Variants in AVEN observed in about 807,000 individuals in gnomAD.
The protein encoded by AVEN is apoptosis and caspase activation inhibitor, also known as cell death regulator Aven.
A neutral mutation model predicts 38.1 loss-of-function variants in AVEN; 41 were observed. The ratio of observed to expected loss-of-function variants is 1.08; its 90% CI spans 0.84 to 1.40. AVEN has a LOEUF of 1.40. Among genes scored for constraint, AVEN ranks in the 40% most tolerant of loss-of-function variants. The pLI is 0.00. For synonymous variants in AVEN, 206 were observed against 171.8 expected, an observed-to-expected ratio of 1.20 and a Z score of -1.56; for missense variants, 605 against 438.8, an observed-to-expected ratio of 1.38 and a Z score of -3.38.
At chr15:33,970,979 C>G (rs1035046892) in intron 2 of AVEN, among the ~76,000 whole-genome samples, 2 of 151,806 alleles carry the variant, frequency 1.3e-5, no homozygotes, top group Non-Finnish European at 2.9e-5. Context: ...CTATAATAAC[C>G]CATTCAGAAA....
chr15:33,859,127 C>A (rs1246539899), intron 11 of AVEN: 1 of 159,218 alleles, frequency 6.3e-6, no homozygotes, highest in African/African-American at 2.4e-5. Flanking sequence ...AAGTCCATTA[C>A]CTTTGACCTT....
chr15:33,915,019 G>C (rs956074868), intron 2 of AVEN, among the ~76,000 whole-genome samples: 2 of 152,064 alleles, frequency 1.3e-5, no homozygotes, highest in African/African-American at 2.4e-5. Context: ...CAGAAAGAAA[G>C]TACCCTCAAA....
intron 1 of AVEN, among the ~76,000 whole-genome samples, chr15:34,014,042 G>A (rs1897756401): frequency 6.6e-6 from 1 of 151,958 alleles, no homozygotes; most frequent in Non-Finnish European, 1.5e-5. Context: ...AACCCGGGGA[G>A]ATCAACAATG....
downstream of AVEN, chr15:33,864,215 G>A (rs760151595): frequency 1.7e-5 from 27 of 1,571,410 alleles, no homozygotes; most frequent in African/African-American, 1.7e-4. Flanking sequence ...TCATATACCC[G>A]TGTTAGATCT....
intron 1 of AVEN, among the ~76,000 whole-genome samples, chr15:34,031,305 G>A (rs543236827): frequency 1.1e-4 from 17 of 151,144 alleles, no homozygotes; most frequent in African/African-American, 4.1e-4. Flanking sequence ...CTCCCGAGTA[G>A]CTGGGATTAC....
intron 2 of AVEN, among the ~76,000 whole-genome samples, chr15:33,903,800 C>G (rs1207812060): frequency 7.1e-6 from 1 of 140,144 alleles, no homozygotes; most frequent in Non-Finnish European, 1.6e-5. Context: ...AATAGGGATA[C>G]ATTTTGAGAA....
intron 2 of AVEN, among the ~76,000 whole-genome samples, chr15:33,934,537 G>C (rs1178606210): frequency 6.6e-6 from 1 of 152,146 alleles, no homozygotes; most frequent in African/African-American, 2.4e-5. Flanking sequence ...CAGCTATCCT[G>C]AGCCACACAA....
chr15:34,050,893 A>G (rs1899905735), intron 5 of AVEN, among the ~76,000 whole-genome samples: 1 of 152,194 alleles, frequency 6.6e-6, no homozygotes, highest in African/African-American at 2.4e-5. Flanking sequence ...CTCCCAAACA[A>G]TAATAGTGGG....
At chr15:33,861,230 CA>C (rs1354122829), downstream of AVEN, 1 of 1,307,352 alleles carries the variant, frequency 7.6e-7, no homozygotes, top group African/African-American at 1.5e-5. Flanking sequence ...TAAATAAAGC[CA>C]ATTAGGTCAT....
chr15:33,920,842 C>T (rs112089047), intron 2 of AVEN, among the ~76,000 whole-genome samples: 4 of 152,050 alleles, frequency 2.6e-5, no homozygotes, highest in African/African-American at 7.2e-5. Flanking sequence ...CTCGCAATCT[C>T]GGCTGACTGC....
chr15:33,860,772 C>CCAGTACTAAGCAAGA, intron 11 of AVEN: 1 of 864,264 alleles, frequency 1.2e-6, no homozygotes, highest in African/African-American at 1.8e-5. Flanking sequence ...AGCAAGAACG[C>CCAGTACTAAGCAAGA]AGTTTGTTTT....
chr15:34,053,101 A>C (rs933475844), intron 5 of AVEN, among the ~76,000 whole-genome samples: 2 of 151,714 alleles, frequency 1.3e-5, no homozygotes, highest in African/African-American at 2.4e-5. Flanking sequence ...GGAATTTGAG[A>C]CGAGCCTAGC....
At chr15:33,915,874 G>C (rs1269034954) in intron 2 of AVEN, among the ~76,000 whole-genome samples, 2 of 152,124 alleles carry the variant, frequency 1.3e-5, no homozygotes, top group Non-Finnish European at 2.9e-5. Context: ...TGGCCTTTTG[G>C]GCAGCGTGGG....
At chr15:33,955,407 A>C (rs1293475022) in intron 2 of AVEN, among the ~76,000 whole-genome samples, 1 of 152,202 alleles carries the variant, frequency 6.6e-6, no homozygotes, top group Non-Finnish European at 1.5e-5. Context: ...TTGGTGCTCT[A>C]TTTGCCCCTA....
chr15:33,856,566 A>C (rs2079683147), downstream of AVEN: 1 of 152,310 alleles, frequency 6.6e-6, no homozygotes, highest in Admixed American at 6.5e-5. Context: ...AGTAACTTCA[A>C]AGTTGTGACA....
chr15:34,070,450 T>G (rs1345716423), intron 2 of AVEN, among the ~76,000 whole-genome samples: 1 of 152,192 alleles, frequency 6.6e-6, no homozygotes, highest in Admixed American at 6.5e-5. Flanking sequence ...AGTTTTATTT[T>G]AATGTTTTTA....
downstream of AVEN, among the ~76,000 whole-genome samples, chr15:33,863,333 C>G (rs1320663815): frequency 6.6e-6 from 1 of 152,152 alleles, no homozygotes; most frequent in Non-Finnish European, 1.5e-5. Context: ...AGGCAGTGAA[C>G]ATACTTAGAG....
In AVEN at chr15:33,866,365, G is replaced by A. The variant is rs1281765186; in HGVS notation, c.*248C>T. 3.8e-6 allele frequency: 2 copies of A among 531,748 alleles called. No individual in the cohort carries two copies. Among genetic ancestry groups the A allele is most frequent in the African/African-American group, 1.9e-5 (1 of 52,666 alleles). The allele number at this position is 531,748 out of a possible 1,614,324, so 32.9% of individuals were successfully genotyped here. A position where few individuals can be genotyped will look rare whatever the true frequency, so the allele number is the denominator to read the frequency against. On this transcript the variant is annotated 3_prime_UTR_variant, in exon 6 of 6. Coordinates refer to ENST00000306730, the MANE Select transcript of AVEN (RefSeq NM_020371.3). ...GCAAGGAAGGAGGCTAGAAACAAGG[G>A]CCAGAGTCTATCTCCTGCCCTTAAG...
chr15:33,868,085 C>G (rs1890768982), intron 4 of AVEN, among the ~76,000 whole-genome samples: 1 of 152,194 alleles, frequency 6.6e-6, no homozygotes, highest in African/African-American at 2.4e-5. Flanking sequence ...CTCCCACTCT[C>G]CCTACCTTGA....
Sources: allele counts gnomAD v4.1 joint callset (sites outside exome capture counted in the v4.1 genomes callset), GRCh38; gene constraint gnomAD v4.1.1; transcripts MANE v1.5; gene names NCBI Gene and HGNC (gene_info 2026-07-23, HGNC 2026-07-21).